Variants in ANK3 observed in about 807,000 individuals in gnomAD.
ANK3 encodes the protein ankyrin-3.
ANK3 carries 57 observed loss-of-function variants against 370.9 expected under a neutral mutation model. The observed-to-expected ratio is 0.15, with a 90% confidence interval of 0.12 to 0.19. The LOEUF (loss-of-function observed/expected upper bound fraction) is 0.19. Ranked by LOEUF, ANK3 falls within the 10% of genes least tolerant of loss-of-function variation. The probability of loss-of-function intolerance (pLI) is 1.00; values close to 1 mark genes in which losing one functional copy is unlikely to be tolerated. For synonymous variants in ANK3, 1,929 were observed against 1,946.3 expected (o/e 0.99, Z 0.23); for missense variants, 4,439 against 5,302.1 (o/e 0.84, Z 5.06).
chr10:60,059,502 A>G, intron 40 of ANK3, 72 bp from the exon 41 acceptor site: 1 of 1,365,298 alleles, frequency 7.3e-7, no homozygotes, highest in South Asian at 1.2e-5. Flanking sequence ...TTCTTCTGTC[A>G]TCTCCTCAGA....
At chr10:60,553,431 C>G (rs1037318916) in intron 2 of ANK3, among the ~76,000 whole-genome samples, 8 of 152,144 alleles carry the variant, frequency 5.3e-5, no homozygotes, top group African/African-American at 1.9e-4. Context: ...TTCTATTTTT[C>G]TGATATAGTT....
rs751416190 is a variant in ANK3, at chr10:60,071,044, A to G, written c.9837T>C (p.Val3279=). 14 of 1,614,138 alleles carry G rather than the reference A, an allele frequency of 8.7e-6. No individual in the cohort carries two copies. Among genetic ancestry groups the G allele is most frequent in the Non-Finnish European group, 1.2e-5 (14 of 1,180,012 alleles). ...KKHHYLPEKE[V]DMIEVNLQDE... is the part of the protein sequence containing the mutation. ...CTTGCAGATTGACTTCAATCATGTC[A>G]ACCTCTTTTTCTGGGAGATAATGAT... The change falls in exon 37 of 44, where the codon GTT becomes GTC. Residue 3279 remains valine, a synonymous_variant. Transcript: ENST00000280772.
At chr10:60,182,579 C>T (rs2096226641) in intron 17 of ANK3, among the ~76,000 whole-genome samples, 1 of 152,098 alleles carries the variant, frequency 6.6e-6, no homozygotes, top group Non-Finnish European at 1.5e-5. Context: ...GTCTTTTCTC[C>T]CCCTCTAGCA....
At chr10:60,277,819 C>G (rs2098113011) in intron 4 of ANK3, among the ~76,000 whole-genome samples, 1 of 152,168 alleles carries the variant, frequency 6.6e-6, no homozygotes, top group Non-Finnish European at 1.5e-5. Context: ...TCCAACACCC[C>G]TGGGGAGACA....
At chr10:60,063,323 C>T (rs2080980021) in intron 39 of ANK3, 69 bp from the exon 40 acceptor site, 1 of 1,473,124 alleles carries the variant, frequency 6.8e-7, no homozygotes, top group Non-Finnish European at 9.1e-7. Flanking sequence ...AATATCTACA[C>T]AAAGGCATGG....
At chr10:60,096,325 C>T (rs1035795420) in intron 28 of ANK3, among the ~76,000 whole-genome samples, 1 of 152,214 alleles carries the variant, frequency 6.6e-6, no homozygotes, top group Non-Finnish European at 1.5e-5. Context: ...ATTTTAAAAA[C>T]GGTCCTTACT....
Position 60,389,561 on chromosome 10 carries a change from C to G in ANK3, c.-23G>C. 6.2e-7 allele frequency: 1 copy of G among 1,611,970 alleles called. No homozygotes were observed. The highest frequency in any genetic ancestry group is 1.7e-5 in the Admixed American group (1 of 59,580). ...CATAATGCATTTAAAAAGATCCTCTCAAGCACACACGGCTTCCTTGTAAAA... is the reference window on the plus strand; with the variant it reads ...CATAATGCATTTAAAAAGATCCTCTGAAGCACACACGGCTTCCTTGTAAAA... On this transcript the variant is annotated 5_prime_UTR_variant, in exon 1 of 44. Coordinates refer to ENST00000280772, the MANE Select transcript of ANK3 (RefSeq NM_020987.5).
At chr10:60,565,426 G>GCA (rs3047245) in intron 2 of ANK3, among the ~76,000 whole-genome samples, 103,272 of 151,822 alleles carry the variant, frequency 0.68, 35,773 homozygotes, top group South Asian at 0.88. Context: ...TCCCAACAGG[G>GCA]CAGACTGATA....
At chr10:60,705,295 T>C (rs1479661637) in intron 1 of ANK3, among the ~76,000 whole-genome samples, 1 of 151,914 alleles carries the variant, frequency 6.6e-6, no homozygotes, top group African/African-American at 2.4e-5. Flanking sequence ...GTTACTTCTA[T>C]AACCATTGAC....
At chr10:60,667,367 C>A (rs927000188) in intron 1 of ANK3, among the ~76,000 whole-genome samples, 2 of 151,518 alleles carry the variant, frequency 1.3e-5, no homozygotes. Context: ...AAAGAATGTT[C>A]TTAACTACAA....
At chr10:60,029,939 A>T in intron 43 of ANK3, 113 bp from the exon 44 acceptor site, 1 of 131,724 alleles carries the variant, frequency 7.6e-6, no homozygotes, top group African/African-American at 3.1e-5. Flanking sequence ...TTGCCATTCA[A>T]TAGAAAAGTC....
chr10:60,218,349 A>G (rs954414840), intron 8 of ANK3, among the ~76,000 whole-genome samples: 2 of 151,730 alleles, frequency 1.3e-5, no homozygotes, highest in Non-Finnish European at 2.9e-5. Context: ...TATTTTGCAC[A>G]TTAGTTGATT....
intron 7 of ANK3, among the ~76,000 whole-genome samples, chr10:60,250,468 A>C (rs1048649031): frequency 3.9e-5 from 6 of 152,038 alleles, no homozygotes; most frequent in Admixed American, 1.3e-4. Context: ...AGGTTCAAGC[A>C]ATTCTCCTGC....
chr10:60,522,397 T>C, intron 2 of ANK3, among the ~76,000 whole-genome samples: 1 of 151,864 alleles, frequency 6.6e-6, no homozygotes. Flanking sequence ...GATTTCTGCT[T>C]GGAACATGGC....
At chr10:60,246,745 A>G (rs1174705191) in intron 7 of ANK3, among the ~76,000 whole-genome samples, 1 of 152,226 alleles carries the variant, frequency 6.6e-6, no homozygotes, top group Non-Finnish European at 1.5e-5. Context: ...TTGAATTAAT[A>G]GAGGATGGCT....
chr10:60,515,248 A>G (rs540757681), intron 2 of ANK3, among the ~76,000 whole-genome samples: 1 of 152,266 alleles, frequency 6.6e-6, no homozygotes, highest in South Asian at 2.1e-4. Flanking sequence ...AATACTTCCC[A>G]GTGTTCTTAT....
At chr10:60,257,339 A>G (rs1592595707) in intron 7 of ANK3, among the ~76,000 whole-genome samples, 3 of 152,298 alleles carry the variant, frequency 2.0e-5, no homozygotes, top group African/African-American at 7.2e-5. Context: ...CATACATGCC[A>G]AGTTCTTTCC....
intron 4 of ANK3, among the ~76,000 whole-genome samples, chr10:60,277,306 A>G (rs77139379): frequency 0.017 from 2,548 of 152,342 alleles, 78 homozygotes; most frequent in African/African-American, 0.057. Context: ...GGAGAGCAAA[A>G]GGCCATAGTA....
intron 2 of ANK3, among the ~76,000 whole-genome samples, chr10:60,589,657 A>C (rs1411283981): frequency 1.3e-5 from 2 of 152,176 alleles, no homozygotes; most frequent in Admixed American, 6.5e-5. Flanking sequence ...TAGAAACAAC[A>C]AAACTGGTTT....
Sources: allele counts gnomAD v4.1 joint callset (sites outside exome capture counted in the v4.1 genomes callset), GRCh38; gene constraint gnomAD v4.1.1; transcripts MANE v1.5; gene names NCBI Gene and HGNC (gene_info 2026-07-23, HGNC 2026-07-21).